Variants in SLC22A23 observed in about 807,000 individuals in gnomAD.
SLC22A23 encodes the protein solute carrier family 22 member 23, also known as ion transporter protein.
Under a neutral mutation model 61.0 loss-of-function variants are expected in SLC22A23, and 26 were observed. The ratio of observed to expected loss-of-function variants is 0.43; its 90% CI spans 0.31 to 0.59. The LOEUF (loss-of-function observed/expected upper bound fraction) is 0.59, where lower values mean the gene tolerates loss of function less well. Ranked by LOEUF, SLC22A23 falls within the 20% of genes least tolerant of loss-of-function variation. The pLI is 0.11. For missense variants in SLC22A23, 796 were observed against 934.7 expected (o/e 0.85, Z 1.94); for synonymous variants, 430 against 413.9 (o/e 1.04, Z -0.47).
intron 7 of SLC22A23, among the ~76,000 whole-genome samples, chr6:3,285,567 C>G (rs942065326): frequency 2.6e-5 from 4 of 152,050 alleles, no homozygotes; most frequent in African/African-American, 9.6e-5. Context: ...CCACAACACC[C>G]GGGGGCTGAG....
chr6:3,357,780 G>T (rs573417329), intron 3 of SLC22A23, among the ~76,000 whole-genome samples: 1 of 152,296 alleles, frequency 6.6e-6, no homozygotes, highest in East Asian at 1.9e-4. Context: ...ATGCCGAGAT[G>T]AAGCCACACC....
Position 3,410,088 on chromosome 6 carries a change from G to T in SLC22A23, c.913+100C>A. The T allele has an allele frequency of 7.3e-7, 1 of 1,371,378 alleles. No individual in the cohort carries two copies. The highest frequency in any genetic ancestry group is 9.8e-7 in the Non-Finnish European group (1 of 1,020,028). 85.0% of individuals were successfully genotyped at this position (1,371,378 alleles called of 1,614,324 possible). ...TGTTTGTGTTTCCACAAAACTGCCA[G>T]CCCACACGAGCAGCATGCACAGTAT... On this transcript the variant is annotated intron_variant, in intron 3 of 9. Transcript: ENST00000406686. This position sits in a 1 kb window ranked among gnomAD's most constrained non-coding sequence, Gnocchi z 5.0.
chr6:3,310,045 A>G (rs12176099), intron 4 of SLC22A23, among the ~76,000 whole-genome samples: 18,745 of 152,256 alleles, frequency 0.12, 1,435 homozygotes, highest in East Asian at 0.25. Flanking sequence ...TAGGCAGAAG[A>G]GCTGGTTCTT....
chr6:3,283,561 C>A (rs1022780284), intron 9 of SLC22A23: 1 of 388,248 alleles, frequency 2.6e-6, no homozygotes. Context: ...CCGCTGCACT[C>A]CCCCCCTTGC....
rs1238747255 is a variant in SLC22A23 at position 3,324,436 on chromosome 6, A to G, written c.914-434T>C. ...TATTAGGGGCCATCTCGACCTCTAG[A>G]CAGGACACCAGGCATGCCCATATAC... On this transcript the variant is annotated intron_variant, in intron 3 of 9. Coordinates refer to ENST00000406686, the MANE Select transcript of SLC22A23 (RefSeq NM_015482.2). This position sits in a 1 kb window ranked among gnomAD's most constrained non-coding sequence, Gnocchi z 4.3. Among the ~76,000 whole-genome samples the G allele has an allele frequency of 3.9e-5, 6 of 151,960 alleles. No homozygotes were observed. Among genetic ancestry groups the G allele is most frequent in the African/African-American group, 1.2e-4 (5 of 41,346 alleles).
rs1392587445 is a variant in SLC22A23 at position 3,414,507 on chromosome 6, C to T, written c.758+1245G>A. 2.6e-5 allele frequency among the ~76,000 whole-genome samples: 4 copies of T among 152,056 alleles called. No homozygotes were observed. The highest frequency in any genetic ancestry group is 5.9e-5 in the Non-Finnish European group (4 of 67,982). On this transcript the variant is annotated intron_variant, in intron 2 of 9. Transcript: ENST00000406686. The surrounding 1 kb of genome is among the most constrained non-coding windows in gnomAD (Gnocchi z 5.1). ...CAGATGTCAAGCACACAGGAAATCA[C>T]ATTACATGTCAGCTCAAGGAACTCC...
At chr6:3,340,449 G>A (rs1764089352) in intron 3 of SLC22A23, among the ~76,000 whole-genome samples, 1 of 152,174 alleles carries the variant, frequency 6.6e-6, no homozygotes, top group African/African-American at 2.4e-5. Context: ...CAGAGTCTAT[G>A]ACAAATTGCC....
In SLC22A23 at chr6:3,386,601, C is replaced by G. The variant is rs770617632; in HGVS notation, c.913+23587G>C. 7.2e-5 allele frequency among the ~76,000 whole-genome samples: 11 copies of G among 152,234 alleles called. No individual in the cohort carries two copies. Among genetic ancestry groups the G allele is most frequent in the Non-Finnish European group, 1.3e-4 (9 of 68,034 alleles). Reference sequence around the variant, plus strand: ...GGCTGCTTGCTCCTCAGTAGCCGTGCCAAGCGTGGCTGGGGACAGCCCGAG... The same window carrying G: ...GGCTGCTTGCTCCTCAGTAGCCGTGGCAAGCGTGGCTGGGGACAGCCCGAG... On this transcript the variant is annotated intron_variant, in intron 3 of 9. Coordinates refer to ENST00000406686, the MANE Select transcript of SLC22A23 (RefSeq NM_015482.2). The surrounding 1 kb of genome is among the most constrained non-coding windows in gnomAD (Gnocchi z 4.4).
chr6:3,445,621 G>A lies in SLC22A23; in HGVS notation c.654+10285C>T, dbSNP rs530188421. ...GGCATCCTTCCAACCAGGGTCCAGT[G>A]AGGGCTTGGATAAGGGGACAGCTGG... On this transcript the variant is annotated intron_variant, in intron 1 of 9. Transcript: ENST00000406686. Among the ~76,000 whole-genome samples, 29 of 152,322 alleles carry A rather than the reference G, an allele frequency of 1.9e-4. 1 individual carries two copies. The East Asian group carries it at 5.4e-3, about 28-fold the overall frequency.
At chr6:3,311,258 A>C (rs9392479) in intron 4 of SLC22A23, among the ~76,000 whole-genome samples, 12,899 of 152,270 alleles carry the variant, frequency 0.085, 790 homozygotes, top group East Asian at 0.24. Context: ...CTCAAAAGGC[A>C]TCGTGGAGAT....
At position 3,270,230 on chromosome 6, in the gene SLC22A23, G is replaced by A. The variant is rs2127271990; in HGVS notation, c.*2825C>T. The A allele has an allele frequency of 6.6e-6, 1 of 152,474 alleles. No individual in the cohort carries two copies. Among genetic ancestry groups the A allele is most frequent in the Admixed American group, 6.5e-5 (1 of 15,298 alleles). The allele number at this position is 152,474 out of a possible 1,614,324, so 9.4% of individuals were successfully genotyped here. Reference sequence around the variant, plus strand: ...GTTGAAACAGTGGGTGCCTGCGAAGGGTCTCCCTATTAGCCAGGAAGGGAA... The same window carrying A: ...GTTGAAACAGTGGGTGCCTGCGAAGAGTCTCCCTATTAGCCAGGAAGGGAA... On this transcript the variant is annotated 3_prime_UTR_variant, in exon 10 of 10. Coordinates refer to ENST00000406686, the MANE Select transcript of SLC22A23 (RefSeq NM_015482.2).
At chr6:3,279,600 T>C (rs570074056) in intron 9 of SLC22A23, among the ~76,000 whole-genome samples, 1 of 150,870 alleles carries the variant, frequency 6.6e-6, no homozygotes, top group South Asian at 2.1e-4. Flanking sequence ...CATTTTTGGC[T>C]TTGTTTTTTT....
chr6:3,377,590 T>C (rs1304098564), intron 3 of SLC22A23, among the ~76,000 whole-genome samples: 1 of 152,198 alleles, frequency 6.6e-6, no homozygotes, highest in Non-Finnish European at 1.5e-5. Context: ...TCCCCTCCCA[T>C]GCAGCTGCAT....
intron 1 of SLC22A23, among the ~76,000 whole-genome samples, chr6:3,420,724 A>T (rs1235232989): frequency 6.6e-6 from 1 of 152,254 alleles, no homozygotes; most frequent in African/African-American, 2.4e-5. Context: ...ATACACCAAT[A>T]CTGCAACCAG....
intron 9 of SLC22A23, 137 bp downstream of exon 9, chr6:3,283,715 G>T: frequency 6.8e-7 from 1 of 1,480,382 alleles, no homozygotes; most frequent in Non-Finnish European, 9.1e-7. Context: ...AGCCACCTCA[G>T]CTATGAACCA....
chr6:3,314,909 T>C (rs929924237), intron 4 of SLC22A23, among the ~76,000 whole-genome samples: 12 of 152,324 alleles, frequency 7.9e-5, no homozygotes, highest in Middle Eastern at 3.4e-3. Context: ...TCCAGTGTTA[T>C]GCAGTGCAGC....
chr6:3,349,440 CCCCTG>C (rs1211875480), intron 3 of SLC22A23, among the ~76,000 whole-genome samples: 1 of 152,202 alleles, frequency 6.6e-6, no homozygotes, highest in African/African-American at 2.4e-5. Context: ...AGCCCTGTGG[CCCCTG>C]GAGTTTCTGG....
chr6:3,390,649 T>C lies in SLC22A23; in HGVS notation c.913+19539A>G, dbSNP rs1452325662. ...ACACACTGGGGCCACTATGGTTCTATTTCACTATGGATCAGTTCAATGCAC... is the reference window on the plus strand; with the variant it reads ...ACACACTGGGGCCACTATGGTTCTACTTCACTATGGATCAGTTCAATGCAC... On this transcript the variant is annotated intron_variant, in intron 3 of 9. Transcript: ENST00000406686. The surrounding 1 kb of genome is among the most constrained non-coding windows in gnomAD (Gnocchi z 4.0). Among the ~76,000 whole-genome samples the C allele has an allele frequency of 6.6e-6, 1 of 152,212 alleles. No individual in the cohort carries two copies. Among genetic ancestry groups the C allele is most frequent in the Non-Finnish European group, 1.5e-5 (1 of 68,046 alleles).
chr6:3,289,125 C>T (rs532187373), intron 6 of SLC22A23, among the ~76,000 whole-genome samples: 7 of 152,378 alleles, frequency 4.6e-5, no homozygotes, highest in South Asian at 2.1e-4. Context: ...AAGGGACCAC[C>T]TTGCACAGTC....
Sources: gnomAD v4.1 joint callset for allele counts (sites outside exome capture counted in the v4.1 genomes callset) on GRCh38, gnomAD v4.1.1 for gene constraint, Gnocchi (gnomAD v3.1) non-coding constraint, MANE v1.5 for transcripts, NCBI Gene and HGNC (gene_info 2026-07-23, HGNC 2026-07-21) for gene names.